The following NDST4 variants were observed in gnomAD, a reference collection of about 807,000 sequenced individuals.
The protein encoded by NDST4 is N-deacetylase and N-sulfotransferase 4, also known as N-heparan sulfate sulfotransferase 4.
In NDST4, 63 loss-of-function variants were observed where a neutral mutation model predicts 100.8. That is an observed-to-expected ratio of 0.62 (90% CI 0.51 to 0.77). The LOEUF (loss-of-function observed/expected upper bound fraction) is 0.77, where lower values mean the gene tolerates loss of function less well. NDST4 is among the 30% of genes least tolerant of loss of function. The pLI is 0.00. For missense variants in NDST4, 943 were observed against 1,018.4 expected (o/e 0.93, Z 1.01); for synonymous variants, 377 against 361.8 (o/e 1.04, Z -0.48).
intron 1 of NDST4, among the ~76,000 whole-genome samples, chr4:115,100,805 CT>C (rs58968400): frequency 0.055 from 8,116 of 147,684 alleles, 261 homozygotes; most frequent in Middle Eastern, 0.11. Flanking sequence ...TGCTTCACTC[CT>C]TTTTTTTTTT....
intron 2 of NDST4, among the ~76,000 whole-genome samples, chr4:115,034,721 C>T (rs534264181): frequency 1.3e-5 from 2 of 152,182 alleles, no homozygotes; most frequent in East Asian, 3.9e-4. Context: ...ATGGCCCCCG[C>T]CTTGATCCAT....
chr4:115,104,353 T>C (rs991834110), intron 1 of NDST4, among the ~76,000 whole-genome samples: 1 of 152,112 alleles, frequency 6.6e-6, no homozygotes, highest in African/African-American at 2.4e-5. Flanking sequence ...GGAAGGTTTC[T>C]TGTGTTTACA....
At chr4:115,104,144 T>G (rs753269575) in intron 1 of NDST4, among the ~76,000 whole-genome samples, 1 of 152,284 alleles carries the variant, frequency 6.6e-6, no homozygotes, top group Middle Eastern at 3.4e-3. Flanking sequence ...AGTGGTCTTG[T>G]TTTACATGTG....
intron 2 of NDST4, among the ~76,000 whole-genome samples, chr4:115,040,036 T>A (rs1019879282): frequency 6.6e-6 from 1 of 151,980 alleles, no homozygotes; most frequent in Non-Finnish European, 1.5e-5. Flanking sequence ...TACTTGTTTT[T>A]TGATGAATAA....
chr4:114,844,547 C>T (rs1177779453), intron 10 of NDST4, among the ~76,000 whole-genome samples: 1 of 152,212 alleles, frequency 6.6e-6, no homozygotes, highest in Admixed American at 6.5e-5. Context: ...GGAATATCTA[C>T]TTGTCCTTCA....
At chr4:114,989,966 T>C (rs1045856459) in intron 2 of NDST4, among the ~76,000 whole-genome samples, 1 of 152,166 alleles carries the variant, frequency 6.6e-6, no homozygotes, top group Non-Finnish European at 1.5e-5. Flanking sequence ...GTCTAGCCTT[T>C]AGTGAGTTGA....
intron 4 of NDST4, among the ~76,000 whole-genome samples, chr4:114,947,745 T>C (rs1274258161): frequency 1.3e-5 from 2 of 151,140 alleles, no homozygotes; most frequent in Non-Finnish European, 2.9e-5. Flanking sequence ...TATAATTTTG[T>C]CTTAAGTAAC....
intron 4 of NDST4, among the ~76,000 whole-genome samples, chr4:114,957,208 C>A (rs1726160040): frequency 6.6e-6 from 1 of 152,236 alleles, no homozygotes; most frequent in African/African-American, 2.4e-5. Context: ...TGAAGAAATA[C>A]CCAAGACTGA....
In NDST4 at chr4:115,033,157, A is replaced by ATATTT. The variant is rs1491126767; in HGVS notation, c.978+42901_978+42902insAAATA. ...TATATATATATATATATATATATAT[A>ATATTT]TTTTTTTTTTTTTTGAAACAGGGTC... On this transcript the variant is annotated intron_variant, in intron 2 of 13. Transcript: ENST00000264363. Among the ~76,000 whole-genome samples, 26 of 59,940 alleles carry ATATTT rather than the reference A, an allele frequency of 4.3e-4. 1 individual carries two copies. In the East Asian group the frequency reaches 0.01, roughly 23 times the overall value. 39.3% of individuals were successfully genotyped at this position (59,940 alleles called of 152,430 possible).
chr4:114,864,465 G>A (rs1375414510), intron 7 of NDST4, among the ~76,000 whole-genome samples: 1 of 152,058 alleles, frequency 6.6e-6, no homozygotes, highest in East Asian at 1.9e-4. Flanking sequence ...CCCTTTCCAA[G>A]TTGTATTGTA....
At position 114,959,247 on chromosome 4, in the gene NDST4, A is replaced by C. The variant is rs559954879; in HGVS notation, c.1221+11183T>G. On this transcript the variant is annotated intron_variant, in intron 4 of 13. Coordinates refer to ENST00000264363, the MANE Select transcript of NDST4 (RefSeq NM_022569.3). The stretch of plus-strand genomic sequence containing the variant: ...TCTTCTGAGCCTTCCAAGCTGTTCC[A>C]ACCTCTGCCTGTTATCCAGTTCCAA... Among the ~76,000 whole-genome samples the C allele has an allele frequency of 4.6e-5, 7 of 152,282 alleles. No individual in the cohort carries two copies. The South Asian group carries it at 1.4e-3, about 32-fold the overall frequency.
intron 4 of NDST4, among the ~76,000 whole-genome samples, chr4:114,952,060 T>C (rs1482941812): frequency 6.6e-6 from 1 of 152,144 alleles, no homozygotes; most frequent in African/African-American, 2.4e-5. Context: ...TTGAAAAGAA[T>C]TGGAGTTCTT....
chr4:115,002,326 T>C (rs572345090), intron 2 of NDST4, among the ~76,000 whole-genome samples: 7 of 152,184 alleles, frequency 4.6e-5, no homozygotes, highest in Non-Finnish European at 7.4e-5. Context: ...TCATATCCTT[T>C]GCCCACTTTT....
chr4:114,892,249 A>T (rs888666277), intron 6 of NDST4, among the ~76,000 whole-genome samples: 2 of 152,156 alleles, frequency 1.3e-5, no homozygotes, highest in Non-Finnish European at 1.5e-5. Context: ...AGTTGGTAAT[A>T]CATACCATGT....
intron 6 of NDST4, among the ~76,000 whole-genome samples, chr4:114,922,562 C>T (rs1725310379): frequency 6.6e-6 from 1 of 152,186 alleles, no homozygotes; most frequent in African/African-American, 2.4e-5. Context: ...TTTGTTCCTG[C>T]TCTAAAGCTT....
At position 115,060,213 on chromosome 4, in the gene NDST4, T is replaced by C. The variant is rs370069583; in HGVS notation, c.978+15846A>G. ...TCTTTCTACAAAAGTTGCTAGGTAT[T>C]TTCTTCATTTGTGCAGCCTAAAAAA... On this transcript the variant is annotated intron_variant, in intron 2 of 13. Coordinates refer to ENST00000264363, the MANE Select transcript of NDST4 (RefSeq NM_022569.3). Among the ~76,000 whole-genome samples the C allele has an allele frequency of 3.8e-4, 58 of 152,140 alleles. 1 individual carries two copies. The highest frequency in any genetic ancestry group is 1.3e-3 in the African/African-American group (56 of 41,520).
intron 2 of NDST4, among the ~76,000 whole-genome samples, chr4:114,987,907 T>C (rs745894797): frequency 1.3e-5 from 2 of 152,204 alleles, no homozygotes; most frequent in Non-Finnish European, 2.9e-5. Flanking sequence ...CTCTATTGAA[T>C]ATAGTTTCCT....
At position 115,076,659 on chromosome 4, in the gene NDST4, C is replaced by T. The variant is rs780604262; in HGVS notation, c.378G>A (p.Gly126=). 1.9e-5 allele frequency: 31 copies of T among 1,613,740 alleles called. No homozygotes were observed. The South Asian group carries it at 3.2e-4, about 17-fold the overall frequency. Residue 126 remains glycine, a synonymous_variant, in exon 2 of 14, where the codon GGG becomes GGA. Transcript: ENST00000264363. ...TTTCATAAATAACTAAAGTATATTTCCCTTTGCCATTATCTGTAAGAGGAG... is the reference window on the plus strand; with the variant it reads ...TTTCATAAATAACTAAAGTATATTTTCCTTTGCCATTATCTGTAAGAGGAG... ...DIPPLTDNGK[G]KYTLVIYENI... is the part of the protein sequence containing the mutation.
At chr4:114,851,960 A>G (rs1215065107) in intron 8 of NDST4, among the ~76,000 whole-genome samples, 1 of 152,162 alleles carries the variant, frequency 6.6e-6, no homozygotes, top group South Asian at 2.1e-4. Flanking sequence ...TTGTGCACTC[A>G]CTGATGAAAA....
Sources: gnomAD v4.1 joint callset for allele counts (sites outside exome capture counted in the v4.1 genomes callset) on GRCh38, gnomAD v4.1.1 for gene constraint, MANE v1.5 for transcripts, NCBI Gene and HGNC (gene_info 2026-07-23, HGNC 2026-07-21) for gene names.